The following PPFIBP2 variants were observed in gnomAD, a reference collection of about 807,000 sequenced individuals.
PPFIBP2 encodes liprin-beta-2.
Under a neutral mutation model 118.3 loss-of-function variants are expected in PPFIBP2, and 118 were observed. The ratio of observed to expected loss-of-function variants is 1.00; its 90% confidence interval spans 0.86 to 1.16. The LOEUF is 1.16. PPFIBP2 is among the 50% of genes most tolerant of loss of function. The probability of loss-of-function intolerance (pLI) is 0.00; values close to 1 mark genes in which losing one functional copy is unlikely to be tolerated. For synonymous variants in PPFIBP2, 414 were observed against 397.4 expected, an observed-to-expected ratio of 1.04 and a Z score of -0.50; for missense variants, 1,195 against 1,073.1, an observed-to-expected ratio of 1.11 and a Z score of -1.59.
intron 5 of PPFIBP2, chr11:7,597,883 C>A: frequency 1.9e-6 from 1 of 529,310 alleles, no homozygotes; most frequent in Admixed American, 3.2e-5. Context: ...AAGGGCTGCC[C>A]TGAGATGAAT....
chr11:7,596,243 G>C (rs1022591412), intron 4 of PPFIBP2, among the ~76,000 whole-genome samples: 1 of 152,236 alleles, frequency 6.6e-6, no homozygotes, highest in Admixed American at 6.5e-5. Context: ...ATTCCAGTGA[G>C]CAAAGCCCAC....
At chr11:7,597,355 G>A (rs1233154267) in intron 4 of PPFIBP2, 5 of 1,535,644 alleles carry the variant, frequency 3.3e-6, no homozygotes, top group Admixed American at 2.0e-5. Flanking sequence ...CAGAGCAGTG[G>A]CCGAGACTCC....
chr11:7,656,220 C>T (rs1854673210), downstream of PPFIBP2, among the ~76,000 whole-genome samples: 4 of 152,196 alleles, frequency 2.6e-5, no homozygotes, highest in Non-Finnish European at 5.9e-5. Context: ...ATCCATCACT[C>T]CCAAGGCCTT....
At chr11:7,640,954 T>C (rs1209371727) in intron 15 of PPFIBP2, 1 of 1,118,220 alleles carries the variant, frequency 8.9e-7, no homozygotes, top group Non-Finnish European at 1.2e-6. Flanking sequence ...ATTTCTTTGC[T>C]TCCCCGTAAC....
chr11:7,620,715 A>T (rs183256016), intron 6 of PPFIBP2, among the ~76,000 whole-genome samples: 1 of 152,314 alleles, frequency 6.6e-6, no homozygotes, highest in Non-Finnish European at 1.5e-5. Flanking sequence ...TTCTAAAACT[A>T]AAAGGAAAGT....
chr11:7,586,581 A>C (rs1858239417), intron 3 of PPFIBP2, among the ~76,000 whole-genome samples: 1 of 152,230 alleles, frequency 6.6e-6, no homozygotes, highest in Non-Finnish European at 1.5e-5. Flanking sequence ...TCCGTGAAGC[A>C]TGATTTTTTC....
intron 4 of PPFIBP2, chr11:7,597,051 A>G (rs891494068): frequency 1.1e-5 from 9 of 833,232 alleles, no homozygotes; most frequent in South Asian, 2.3e-5. Context: ...CAGTGCTAAT[A>G]CATGCCCTTT....
Position 7,629,476 on chromosome 11 carries a change from G to A in PPFIBP2, c.906G>A (p.Glu302=). The change falls in exon 10 of 24, where the codon GAG becomes GAA. Residue 302 remains glutamate, a synonymous_variant. Transcript: ENST00000299492. The part of the protein sequence containing the change: ...ANEDKDRRIE[E]LTGLLNQYRK... ...TATGGCAGGACCGTCGGATAGAGGAGCTTACGGGGCTGTTAAACCAGTACC... is the reference window on the plus strand; with the variant it reads ...TATGGCAGGACCGTCGGATAGAGGAACTTACGGGGCTGTTAAACCAGTACC... The A allele has an allele frequency of 1.9e-6, 3 of 1,614,126 alleles. No homozygotes were observed. The highest frequency in any genetic ancestry group is 2.5e-6 in the Non-Finnish European group (3 of 1,179,970).
At chr11:7,595,348 A>AT (rs1860095311) in intron 4 of PPFIBP2, among the ~76,000 whole-genome samples, 1 of 152,240 alleles carries the variant, frequency 6.6e-6, no homozygotes, top group African/African-American at 2.4e-5. Flanking sequence ...CCAATGTAAG[A>AT]TTTTGCAGCA....
chr11:7,548,087 T>C (rs1852528859), intron 1 of PPFIBP2, among the ~76,000 whole-genome samples: 1 of 152,216 alleles, frequency 6.6e-6, no homozygotes, highest in Non-Finnish European at 1.5e-5. Context: ...ATAATTTTAA[T>C]CATGACATCT....
At chr11:7,556,116 G>T (rs1853586290) in intron 2 of PPFIBP2, among the ~76,000 whole-genome samples, 1 of 152,044 alleles carries the variant, frequency 6.6e-6, no homozygotes, top group Admixed American at 6.5e-5. Context: ...AAAGCATTTG[G>T]CCTGGTGTGT....
At position 7,653,269 on chromosome 11, in the gene PPFIBP2, T is replaced by G; in HGVS notation, c.*51T>G. The G allele has an allele frequency of 6.2e-7, 1 of 1,609,138 alleles. No homozygotes were observed. The highest frequency in any genetic ancestry group is 8.5e-7 in the Non-Finnish European group (1 of 1,178,414). ...ACCCTGAGAGCTCACAGTAACACTG[T>G]GTGTGTCACCATATAACTGCACCTC... On this transcript the variant is annotated 3_prime_UTR_variant, in exon 24 of 24. Coordinates refer to ENST00000299492, the MANE Select transcript of PPFIBP2 (RefSeq NM_003621.5).
chr11:7,518,830 GA>G (rs1360195840), intron 1 of PPFIBP2, among the ~76,000 whole-genome samples: 1 of 152,258 alleles, frequency 6.6e-6, no homozygotes, highest in Non-Finnish European at 1.5e-5. Flanking sequence ...CACTGGCGCT[GA>G]AGTGAGGGTG....
chr11:7,640,143 CTCT>C (rs148529130), intron 15 of PPFIBP2, among the ~76,000 whole-genome samples: 8,098 of 152,108 alleles, frequency 0.053, 599 homozygotes, highest in African/African-American at 0.17. Context: ...CTTATTTCCT[CTCT>C]TCTTCTCTTC....
rs146124905 is a variant in PPFIBP2 at position 7,624,640 on chromosome 11, G to A, written c.712-1137G>A. ...TCTTTTATTGACCGGCTCCACGGTC[G>A]ATGCTCATCCCTTTTCTTACCTGGT... On this transcript the variant is annotated intron_variant, in intron 7 of 23. Coordinates refer to ENST00000299492, the MANE Select transcript of PPFIBP2 (RefSeq NM_003621.5). 4.6e-5 allele frequency among the ~76,000 whole-genome samples: 7 copies of A among 152,334 alleles called. No individual in the cohort carries two copies. In the East Asian group the frequency reaches 9.6e-4, roughly 21 times the overall value.
intron 1 of PPFIBP2, among the ~76,000 whole-genome samples, chr11:7,533,165 G>A (rs1463332829): frequency 6.6e-6 from 1 of 152,108 alleles, no homozygotes; most frequent in East Asian, 1.9e-4. Context: ...GCATCCATCA[G>A]TTATGTCTCT....
chr11:7,596,282 A>G (rs1860277325), intron 4 of PPFIBP2, among the ~76,000 whole-genome samples: 1 of 152,116 alleles, frequency 6.6e-6, no homozygotes, highest in Admixed American at 6.5e-5. Context: ...TTGAAAGTAG[A>G]GTTAGTTCAG....
intron 3 of PPFIBP2, 106 bp downstream of exon 3, chr11:7,565,873 G>T: frequency 7.9e-7 from 1 of 1,265,926 alleles, no homozygotes; most frequent in Non-Finnish European, 1.1e-6. Flanking sequence ...ATACCTTCCA[G>T]CCTTTTCTTC....
At chr11:7,665,308 G>A in the PPFIBP2 span, 7 of 1,322,768 alleles carry the variant, frequency 5.3e-6, no homozygotes, top group African/African-American at 4.4e-5. Context: ...GTTTACCGTG[G>A]TGAAATTGAA....
Sources: allele counts gnomAD v4.1 joint callset (sites outside exome capture counted in the v4.1 genomes callset), GRCh38; gene constraint gnomAD v4.1.1; transcripts MANE v1.5; gene names NCBI Gene and HGNC (gene_info 2026-07-23, HGNC 2026-07-21).